BOD1L1: variants seen among roughly 807,000 people sequenced by gnomAD.
BOD1L1 encodes biorientation of chromosomes in cell division 1 like 1, also known as biorientation of chromosomes in cell division protein 1-like 1.
Under a neutral mutation model 240.7 loss-of-function variants are expected in BOD1L1, and 86 were observed. The observed-to-expected ratio is 0.36, with a 90% CI of 0.30 to 0.43. BOD1L1 has a LOEUF of 0.43. BOD1L1 is among the 20% of genes least tolerant of loss of function. The pLI is 1.00. For synonymous variants in BOD1L1, 1,268 were observed against 1,272.3 expected, an observed-to-expected ratio of 1.00 and a Z score of 0.07; for missense variants, 3,554 against 3,643.5, an observed-to-expected ratio of 0.98 and a Z score of 0.63.
At chr4:13,615,076 T>C (rs1350277173) in intron 3 of BOD1L1, among the ~76,000 whole-genome samples, 1 of 152,240 alleles carries the variant, frequency 6.6e-6, no homozygotes, top group African/African-American at 2.4e-5. Context: ...CTAATTATTT[T>C]AGTTATTCCT....
chr4:13,573,319 G>A (rs1472016239), intron 25 of BOD1L1, among the ~76,000 whole-genome samples: 1 of 152,104 alleles, frequency 6.6e-6, no homozygotes, highest in Non-Finnish European at 1.5e-5. Context: ...GCTCAGTAAT[G>A]AGGATGCACA....
rs921710097 is a variant in BOD1L1, at chr4:13,627,531, C to T, written c.57G>A (p.Pro19=). ...PPPPAPPPPP[P]QPQPQPPPPP... ...GCGGCGGTGGCTGCGGCTGCGGCTG[C>T]GGCGGGGGAGGCGGCGGCGCCGGAG... Residue 19 remains proline, a synonymous_variant, in exon 1 of 26, where the codon CCG becomes CCA. Coordinates refer to ENST00000040738, the MANE Select transcript of BOD1L1 (RefSeq NM_148894.3). 223 of 1,105,378 alleles carry T rather than the reference C, an allele frequency of 2.0e-4. No individual in the cohort carries two copies. The African/African-American group carries it at 3.4e-3, about 17-fold the overall frequency. The allele number at this position is 1,105,378 out of a possible 1,614,324, so 68.5% of individuals were successfully genotyped here. A position where few individuals can be genotyped will look rare whatever the true frequency, so the allele number is the denominator to read the frequency against.
chr4:13,599,878 G>T lies in BOD1L1; in HGVS notation c.7022C>A (p.Ser2341Tyr), dbSNP rs547507252. ...CTCTTCATGTCTGTCAATGCTGGCG[G>T]AAATTGGCATACATTCTGCTGTGCT... The part of the protein sequence containing the change: ...STSTAECMPI[S>Y]ASIDRHEENQ... Residue 2341 changes from serine (S) to tyrosine (Y), a missense_variant, in exon 10 of 26, where the codon TCC becomes TAC. Ser to Tyr is a moderately radical substitution (Grantham distance 144, BLOSUM62 -2). This residue lies in a region of BOD1L1 where 3,393 missense variants were observed against 3,427.1 expected (regional missense o/e 0.99). Transcript: ENST00000040738. 522 of 1,613,966 alleles carry T rather than the reference G, an allele frequency of 3.2e-4. 5 individuals carry two copies. In the South Asian group the frequency reaches 5.3e-3, roughly 16 times the overall value.
intron 25 of BOD1L1, among the ~76,000 whole-genome samples, chr4:13,571,829 A>T (rs2108870804): frequency 6.6e-6 from 1 of 152,352 alleles, no homozygotes; most frequent in South Asian, 2.1e-4. Context: ...ATATAAAATA[A>T]GAGTAACTAT....
At chr4:13,596,187 A>C (rs1714607767) in intron 11 of BOD1L1, among the ~76,000 whole-genome samples, 1 of 152,128 alleles carries the variant, frequency 6.6e-6, no homozygotes, top group South Asian at 2.1e-4. Flanking sequence ...TAAAAACCCC[A>C]ACTCAGCACA....
chr4:13,577,530 C>A, intron 23 of BOD1L1, 43 bp from the exon 24 acceptor site: 5 of 1,601,214 alleles, frequency 3.1e-6, no homozygotes, highest in Non-Finnish European at 4.3e-6. Flanking sequence ...GTCAGCTGAG[C>A]ATTTAAGTTG....
chr4:13,577,558 C>A, intron 23 of BOD1L1, 24 bp downstream of exon 23: 1 of 1,584,840 alleles, frequency 6.3e-7, no homozygotes, highest in Non-Finnish European at 8.6e-7. Context: ...AACAACATAT[C>A]TTGATAAGAA....
chr4:13,608,692 A>C (rs1350747028), intron 7 of BOD1L1, 24 bp from the exon 8 acceptor site: 3 of 1,396,584 alleles, frequency 2.1e-6, no homozygotes, highest in East Asian at 5.5e-5. Flanking sequence ...AATCAATAAA[A>C]CGTATTTCAG....
chr4:13,580,893 A>G (rs1294361576), intron 21 of BOD1L1, 127 bp downstream of exon 21: 20 of 797,332 alleles, frequency 2.5e-5, no homozygotes, highest in Non-Finnish European at 3.6e-5. Context: ...AAATATATGA[A>G]TGGTTACTCA....
rs149217877 is a variant in BOD1L1, at chr4:13,597,522, A to G, written c.7955-354T>C. Among the ~76,000 whole-genome samples, 929 of 152,342 alleles carry G rather than the reference A, an allele frequency of 6.1e-3. 13 individuals carry two copies. Among genetic ancestry groups the G allele is most frequent in the African/African-American group, 0.021 (864 of 41,570 alleles). The stretch of plus-strand genomic sequence containing the variant: ...AAAATATTCTGAGTCACTAAGGTCT[A>G]TTCTCAGTAAAGGTGATTTATTAAC... On this transcript the variant is annotated intron_variant, in intron 10 of 25. Transcript: ENST00000040738.
At chr4:13,581,408 C>A (rs931702517) in intron 19 of BOD1L1, among the ~76,000 whole-genome samples, 7 of 152,150 alleles carry the variant, frequency 4.6e-5, no homozygotes, top group Non-Finnish European at 8.8e-5. Context: ...TGATAAATAT[C>A]ACTAACTGTC....
At position 13,613,706 on chromosome 4, in the gene BOD1L1, T is replaced by A; in HGVS notation, c.1175-45A>T. The A allele has an allele frequency of 7.0e-7, 1 of 1,429,324 alleles. No individual in the cohort carries two copies. The highest frequency in any genetic ancestry group is 9.4e-7 in the Non-Finnish European group (1 of 1,066,580). 88.5% of individuals were successfully genotyped at this position (1,429,324 alleles called of 1,614,324 possible). On this transcript the variant is annotated intron_variant, in intron 4 of 25. Transcript: ENST00000040738. The surrounding 1 kb of genome is among the most constrained non-coding windows in gnomAD (Gnocchi z 4.0). ...CACAGAAAAAAAAATCATCTTATTA[T>A]AAGAACATACTCAGAGCTCAATTAC...
intron 8 of BOD1L1, 43 bp downstream of exon 8, chr4:13,608,487 A>T: frequency 6.9e-7 from 1 of 1,447,252 alleles, no homozygotes; most frequent in Non-Finnish European, 9.1e-7. Context: ...GAAAGCACCC[A>T]GGGGAGTGTT....
chr4:13,586,716 G>A (rs1713727034), intron 16 of BOD1L1, among the ~76,000 whole-genome samples: 1 of 152,062 alleles, frequency 6.6e-6, no homozygotes, highest in East Asian at 1.9e-4. Context: ...CACCAATGAA[G>A]TAGTGGGTTC....
chr4:13,611,733 T>A (rs1251815379), intron 5 of BOD1L1, among the ~76,000 whole-genome samples: 4 of 152,230 alleles, frequency 2.6e-5, no homozygotes, highest in Admixed American at 1.3e-4. Context: ...TCACTGGACT[T>A]GATATTTATG....
chr4:13,592,598 T>C (rs1714302474), intron 12 of BOD1L1: 1 of 152,236 alleles, frequency 6.6e-6, no homozygotes, highest in Non-Finnish European at 1.5e-5. Context: ...GAGACGTTAA[T>C]TATTTGTAGT....
chr4:13,588,737 T>C lies in BOD1L1; in HGVS notation c.8265A>G (p.Glu2755=), dbSNP rs1468666903. The change falls in exon 15 of 26, where the codon GAA becomes GAG. Residue 2755 remains glutamate, a synonymous_variant. Coordinates refer to ENST00000040738, the MANE Select transcript of BOD1L1 (RefSeq NM_148894.3). The stretch of plus-strand genomic sequence containing the variant: ...TAAAATGCACCTCTTTAGGATCTGC[T>C]TCAACACTGTGACCGCTTATGGCTT... ...NAEAISGHSV[E]ADPKEVEEEE... 1 of 1,604,980 alleles carries C rather than the reference T, an allele frequency of 6.2e-7. No homozygotes were observed. The highest frequency in any genetic ancestry group is 1.3e-5 in the African/African-American group (1 of 74,846).
intron 8 of BOD1L1, among the ~76,000 whole-genome samples, chr4:13,607,524 C>G (rs1301888465): frequency 6.6e-6 from 1 of 152,218 alleles, no homozygotes; most frequent in African/African-American, 2.4e-5. Context: ...TCTCAAACTC[C>G]TGACCTCATG....
chr4:13,590,346 T>G, intron 14 of BOD1L1, 40 bp downstream of exon 14: 1 of 1,109,738 alleles, frequency 9.0e-7, no homozygotes, highest in Non-Finnish European at 1.3e-6. Context: ...AAATGTTAAC[T>G]ATAATATTAA....
Sources: gnomAD v4.1 joint callset for allele counts (sites outside exome capture counted in the v4.1 genomes callset) on GRCh38, gnomAD v4.1.1 for gene constraint, gnomAD v4.1.1 regional missense constraint, Gnocchi (gnomAD v3.1) non-coding constraint, MANE v1.5 for transcripts, NCBI Gene and HGNC (gene_info 2026-07-23, HGNC 2026-07-21) for gene names.